The following ZFPM2 variants were observed in gnomAD, a reference collection of about 807,000 sequenced individuals.
ZFPM2 encodes the protein zinc finger protein, FOG family member 2.
In ZFPM2, 20 loss-of-function variants were observed where a neutral mutation model predicts 98.6. That is an observed-to-expected ratio of 0.20 (90% confidence interval 0.14 to 0.29). The LOEUF (loss-of-function observed/expected upper bound fraction) is 0.29, where lower values mean the gene tolerates loss of function less well. Ranked by LOEUF, ZFPM2 falls within the 10% of genes least tolerant of loss-of-function variation. ZFPM2 has a pLI of 1.00. For missense variants in ZFPM2, 1,310 were observed against 1,388.6 expected (o/e 0.94, Z 0.90); for synonymous variants, 518 against 502.7 (o/e 1.03, Z -0.41).
chr8:105,450,257 A>G (rs1482981233), intron 3 of ZFPM2, among the ~76,000 whole-genome samples: 1 of 152,132 alleles, frequency 6.6e-6, no homozygotes, highest in African/African-American at 2.4e-5. Context: ...CCAGAAGACC[A>G]CTATGAGATA....
intron 2 of ZFPM2, 146 bp from the exon 3 acceptor site, chr8:105,444,134 A>G (rs1812319802): frequency 4.9e-6 from 3 of 617,484 alleles, no homozygotes; most frequent in Non-Finnish European, 5.7e-6. Context: ...ATATCAAAAT[A>G]GTCATGAACA....
intron 5 of ZFPM2, among the ~76,000 whole-genome samples, chr8:105,721,518 T>TA (rs1292460810): frequency 2.6e-5 from 4 of 152,014 alleles, no homozygotes; most frequent in East Asian, 1.9e-4. Flanking sequence ...TCACTTTTTT[T>TA]AAAAAAAGTA....
chr8:105,422,258 C>T (rs1439215539), intron 2 of ZFPM2, among the ~76,000 whole-genome samples: 49 of 151,302 alleles, frequency 3.2e-4, no homozygotes, highest in African/African-American at 1.1e-3. Flanking sequence ...GCCAATGTGG[C>T]GAAACCCCAT....
intron 5 of ZFPM2, among the ~76,000 whole-genome samples, chr8:105,654,181 T>C (rs1053936934): frequency 6.6e-6 from 1 of 150,918 alleles, no homozygotes; most frequent in Admixed American, 6.6e-5. Flanking sequence ...GCCTCTGTCA[T>C]CCTTCCTGCG....
intron 3 of ZFPM2, among the ~76,000 whole-genome samples, chr8:105,561,060 G>T (rs758955583): frequency 6.6e-6 from 1 of 152,146 alleles, no homozygotes; most frequent in Non-Finnish European, 1.5e-5. Context: ...CATTGGATCA[G>T]TGCTTTTTAA....
chr8:105,348,801 C>G (rs1812587120), intron 1 of ZFPM2, among the ~76,000 whole-genome samples: 1 of 152,022 alleles, frequency 6.6e-6, no homozygotes, highest in Admixed American at 6.6e-5. Context: ...AAAAAGACAA[C>G]TAGGATTGAA....
intron 5 of ZFPM2, among the ~76,000 whole-genome samples, chr8:105,648,234 T>C (rs1817092512): frequency 6.6e-6 from 1 of 152,228 alleles, no homozygotes; most frequent in Non-Finnish European, 1.5e-5. Flanking sequence ...TGTTTGCTTT[T>C]TTCTTGTAAA....
chr8:105,555,815 A>T (rs1814975282), intron 3 of ZFPM2, among the ~76,000 whole-genome samples: 1 of 152,160 alleles, frequency 6.6e-6, no homozygotes, highest in South Asian at 2.1e-4. Flanking sequence ...GCAACATTAA[A>T]AGGGTCTATT....
chr8:105,351,826 GAAA>G (rs1217141627), intron 1 of ZFPM2, among the ~76,000 whole-genome samples: 1 of 151,286 alleles, frequency 6.6e-6, no homozygotes, highest in East Asian at 1.9e-4. Context: ...TTTCCCTTTG[GAAA>G]AAAGGCTCTA....
At chr8:105,728,313 G>T (rs746017639) in intron 5 of ZFPM2, among the ~76,000 whole-genome samples, 1 of 151,294 alleles carries the variant, frequency 6.6e-6, no homozygotes, top group Non-Finnish European at 1.5e-5. Flanking sequence ...TAGGATGGCT[G>T]CAATAACAAG....
At chr8:105,592,866 T>C (rs1233512123) in intron 4 of ZFPM2, among the ~76,000 whole-genome samples, 1 of 152,174 alleles carries the variant, frequency 6.6e-6, no homozygotes, top group South Asian at 2.1e-4. Flanking sequence ...AGTGATCCAA[T>C]TTGAAATGCA....
chr8:105,606,716 C>T (rs957020673), intron 4 of ZFPM2, among the ~76,000 whole-genome samples: 2 of 152,030 alleles, frequency 1.3e-5, no homozygotes, highest in Non-Finnish European at 2.9e-5. Context: ...GTAACAGTCC[C>T]ATGGGACCGT....
intron 4 of ZFPM2, among the ~76,000 whole-genome samples, chr8:105,586,392 G>A (rs575289861): frequency 6.7e-6 from 1 of 150,346 alleles, no homozygotes; most frequent in South Asian, 2.1e-4. Flanking sequence ...ACACGCAACC[G>A]AGTTGTGCTG....
chr8:105,789,655 G>A (rs1345708816), intron 6 of ZFPM2, among the ~76,000 whole-genome samples: 8 of 151,946 alleles, frequency 5.3e-5, no homozygotes, highest in South Asian at 4.2e-4. Flanking sequence ...CTGAGGAATC[G>A]CCACACTGAC....
At chr8:105,417,500 G>GA (rs201176063) in intron 1 of ZFPM2, among the ~76,000 whole-genome samples, 2 of 151,192 alleles carry the variant, frequency 1.3e-5, no homozygotes, top group African/African-American at 2.4e-5. Context: ...TACATTTGTT[G>GA]AAAAAAAATA....
intron 2 of ZFPM2, among the ~76,000 whole-genome samples, chr8:105,441,268 G>A (rs180976434): frequency 9.2e-5 from 14 of 151,672 alleles, no homozygotes; most frequent in South Asian, 6.2e-4. Flanking sequence ...TTCAAAAAGG[G>A]ACTGTCATTT....
chr8:105,501,239 G>A (rs1813589435), intron 3 of ZFPM2, among the ~76,000 whole-genome samples: 1 of 148,964 alleles, frequency 6.7e-6, no homozygotes, highest in Non-Finnish European at 1.5e-5. Context: ...TTGCAGTGCA[G>A]TGGCGCCATC....
intron 4 of ZFPM2, among the ~76,000 whole-genome samples, chr8:105,601,269 A>T (rs537691464): frequency 6.6e-6 from 1 of 152,186 alleles, no homozygotes; most frequent in East Asian, 1.9e-4. Flanking sequence ...ACATATGAAA[A>T]CACCAAGCCC....
In ZFPM2 at chr8:105,479,307, G is replaced by A. The variant is rs1813070733; in HGVS notation, c.301+34926G>A. Among the ~76,000 whole-genome samples, 3 of 152,142 alleles carry A rather than the reference G, an allele frequency of 2.0e-5. No homozygotes were observed. The South Asian group carries it at 6.2e-4, about 32-fold the overall frequency. On this transcript the variant is annotated intron_variant, in intron 3 of 7. Transcript: ENST00000407775. Reference sequence around the variant, plus strand: ...TATCCTTCAGAACTGGCAGAAATAGGTATTTCTATTGTCTATAAAACCTGT... The same window carrying A: ...TATCCTTCAGAACTGGCAGAAATAGATATTTCTATTGTCTATAAAACCTGT...
Sources: gnomAD v4.1 joint callset for allele counts (sites outside exome capture counted in the v4.1 genomes callset) on GRCh38, gnomAD v4.1.1 for gene constraint, MANE v1.5 for transcripts, NCBI Gene and HGNC (gene_info 2026-07-23, HGNC 2026-07-21) for gene names.